Variants in PRKCA observed in about 807,000 individuals in gnomAD.
PRKCA encodes the protein protein kinase C alpha, also known as protein kinase C alpha type.
A neutral mutation model predicts 87.0 loss-of-function variants in PRKCA; 27 were observed. That is an observed-to-expected ratio of 0.31 (90% CI 0.23 to 0.43). The LOEUF is 0.43. PRKCA is among the 20% of genes least tolerant of loss of function. The probability of loss-of-function intolerance (pLI) is 1.00; values close to 1 mark genes in which losing one functional copy is unlikely to be tolerated. For synonymous variants in PRKCA, 329 were observed against 311.1 expected (o/e 1.06, Z -0.61); for missense variants, 518 against 852.3 (o/e 0.61, Z 4.88).
chr17:66,475,003 T>C (rs1915480261), intron 2 of PRKCA, among the ~76,000 whole-genome samples: 1 of 152,230 alleles, frequency 6.6e-6, no homozygotes, highest in Non-Finnish European at 1.5e-5. Flanking sequence ...CCTTTGTTTC[T>C]GCAGGATTTC....
At position 66,406,609 on chromosome 17, in the gene PRKCA, TAA is replaced by T. The variant is rs1007639909; in HGVS notation, c.206-89590_206-89589del. ...GGTTTTTTTTTTTTTTTTTTTTTTT[TAA>T]ATGTCATAGAAAAGATACCGGTGGA... is the stretch of plus-strand genomic sequence containing the variant. On this transcript the variant is annotated intron_variant, in intron 2 of 16. Coordinates refer to ENST00000413366, the MANE Select transcript of PRKCA (RefSeq NM_002737.3). Among the ~76,000 whole-genome samples the T allele has an allele frequency of 5.5e-5, 8 of 145,672 alleles. No individual in the cohort carries two copies. The East Asian group carries it at 1.6e-3, about 29-fold the overall frequency.
At chr17:66,646,048 C>A (rs1971444652) in intron 5 of PRKCA, among the ~76,000 whole-genome samples, 1 of 152,180 alleles carries the variant, frequency 6.6e-6, no homozygotes, top group Admixed American at 6.5e-5. Context: ...TGGTTATTAG[C>A]CTCGTTTTCC....
At chr17:66,316,124 G>T (rs974921910) in intron 2 of PRKCA, among the ~76,000 whole-genome samples, 1 of 152,196 alleles carries the variant, frequency 6.6e-6, no homozygotes, top group Non-Finnish European at 1.5e-5. Context: ...AATGGCATGC[G>T]TGAGAGAGGG....
At chr17:66,449,253 C>T (rs1215044641) in intron 2 of PRKCA, among the ~76,000 whole-genome samples, 1 of 152,124 alleles carries the variant, frequency 6.6e-6, no homozygotes, top group African/African-American at 2.4e-5. Context: ...AGCACCACTG[C>T]ACTCCAGCCT....
intron 2 of PRKCA, among the ~76,000 whole-genome samples, chr17:66,323,362 A>C (rs1375359943): frequency 6.6e-6 from 1 of 152,240 alleles, no homozygotes; most frequent in Non-Finnish European, 1.5e-5. Context: ...ATGCTTGTTA[A>C]TTATGGGTCT....
intron 14 of PRKCA, chr17:66,777,620 A>C: frequency 4.1e-6 from 4 of 985,276 alleles, no homozygotes; most frequent in Non-Finnish European, 4.8e-6. Flanking sequence ...GCCCCCTAAG[A>C]GTCCTGCTTT....
chr17:66,621,317 T>C (rs1261616315), intron 3 of PRKCA, among the ~76,000 whole-genome samples: 1 of 152,236 alleles, frequency 6.6e-6, no homozygotes, highest in Non-Finnish European at 1.5e-5. Flanking sequence ...ATATTTCCAC[T>C]AGAAGCTAAT....
At position 66,805,045 on chromosome 17, in the gene PRKCA, T is replaced by C. The variant is rs1360982657; in HGVS notation, c.*1008T>C. ...TCGCTTATGAAAGTACGATGTACAG[T>C]AACTTAATGGAAGTGCTGACTCTAG... On this transcript the variant is annotated 3_prime_UTR_variant, in exon 17 of 17. Transcript: ENST00000413366. The C allele has an allele frequency of 2.0e-6, 2 of 983,218 alleles. No homozygotes were observed. The highest frequency in any genetic ancestry group is 2.4e-6 in the Non-Finnish European group (2 of 827,928). 60.9% of individuals were successfully genotyped at this position (983,218 alleles called of 1,614,324 possible).
intron 16 of PRKCA, among the ~76,000 whole-genome samples, chr17:66,797,510 C>T (rs953261112): frequency 3.9e-5 from 6 of 152,180 alleles, no homozygotes; most frequent in African/African-American, 1.4e-4. Flanking sequence ...GTGCTTGCTT[C>T]GCAGGGTGTA....
At chr17:66,604,247 GA>G (rs11443411) in intron 3 of PRKCA, among the ~76,000 whole-genome samples, 56 of 148,236 alleles carry the variant, frequency 3.8e-4, no homozygotes, top group African/African-American at 9.6e-4. Flanking sequence ...ACATCTGCAA[GA>G]AAAAAAAAAG....
chr17:66,606,907 A>C (rs8078160), intron 3 of PRKCA, among the ~76,000 whole-genome samples: 52,343 of 152,004 alleles, frequency 0.34, 9,448 homozygotes, highest in African/African-American at 0.4. Context: ...TAAGATTTTA[A>C]AGTTATATGT....
chr17:66,393,050 G>T (rs1910453321), intron 2 of PRKCA, among the ~76,000 whole-genome samples: 1 of 152,116 alleles, frequency 6.6e-6, no homozygotes, highest in South Asian at 2.1e-4. Context: ...ACTGAATATT[G>T]GTTTGGGGAG....
Position 66,804,351 on chromosome 17 carries a change from T to C in PRKCA, c.*314T>C, listed in dbSNP as rs769765060. ...TTGCCCCATTTTGGGTACAATTTGA[T>C]ATACTTTCCATACCCTCCATCTGTG... is the stretch of plus-strand genomic sequence containing the variant. On this transcript the variant is annotated 3_prime_UTR_variant, in exon 17 of 17. Coordinates refer to ENST00000413366, the MANE Select transcript of PRKCA (RefSeq NM_002737.3). The C allele has an allele frequency of 2.1e-5, 5 of 234,364 alleles. No homozygotes were observed. Among genetic ancestry groups the C allele is most frequent in the Non-Finnish European group, 4.2e-5 (5 of 120,212 alleles). The allele number at this position is 234,364 out of a possible 1,614,324, so 14.5% of individuals were successfully genotyped here.
chr17:66,489,352 C>CAGTGCAT (rs1916117957), intron 2 of PRKCA, among the ~76,000 whole-genome samples: 1 of 98,918 alleles, frequency 1.0e-5, no homozygotes, highest in African/African-American at 3.9e-5. Flanking sequence ...CTTAGCAGTG[C>CAGTGCAT]ATATATATAT....
rs550830912 is a variant in PRKCA, at chr17:66,808,139, C to G, written c.*4102C>G. On this transcript the variant is annotated 3_prime_UTR_variant, in exon 17 of 17. Transcript: ENST00000413366. ...GCAGAGCCAGACCATCCAGTGTACC[C>G]CAGAGGCCAGTAGGTTCCTGCCCAT... 6.6e-6 allele frequency: 1 copy of G among 152,236 alleles called. No individual in the cohort carries two copies. Among genetic ancestry groups the G allele is most frequent in the African/African-American group, 2.4e-5 (1 of 41,528 alleles). The allele number at this position is 152,236 out of a possible 1,614,324, so 9.4% of individuals were successfully genotyped here. A position where few individuals can be genotyped will look rare whatever the true frequency, so the allele number is the denominator to read the frequency against.
At chr17:66,394,931 C>T (rs1211539669) in intron 2 of PRKCA, among the ~76,000 whole-genome samples, 1 of 152,198 alleles carries the variant, frequency 6.6e-6, no homozygotes, top group Non-Finnish European at 1.5e-5. Context: ...GTCGGTTAAA[C>T]TGCTTTAGTT....
intron 3 of PRKCA, among the ~76,000 whole-genome samples, chr17:66,592,563 C>G (rs563148372): frequency 1.3e-5 from 2 of 152,204 alleles, no homozygotes; most frequent in Admixed American, 6.5e-5. Flanking sequence ...TTCATGTACA[C>G]AAAGAAAAGG....
intron 2 of PRKCA, among the ~76,000 whole-genome samples, chr17:66,310,342 C>T (rs944842509): frequency 2.6e-5 from 4 of 151,994 alleles, no homozygotes; most frequent in African/African-American, 9.7e-5. Flanking sequence ...CCATGACCAA[C>T]AGGAGCCTGT....
At chr17:66,674,878 C>A (rs1291698781) in intron 5 of PRKCA, among the ~76,000 whole-genome samples, 1 of 152,200 alleles carries the variant, frequency 6.6e-6, no homozygotes, top group Non-Finnish European at 1.5e-5. Context: ...ATTGTTCATG[C>A]TTGAGAAATC....
Sources: allele counts gnomAD v4.1 joint callset (sites outside exome capture counted in the v4.1 genomes callset), GRCh38; gene constraint gnomAD v4.1.1; transcripts MANE v1.5; gene names NCBI Gene and HGNC (gene_info 2026-07-23, HGNC 2026-07-21).